Variants in MYH6 observed in about 807,000 individuals in gnomAD.
MYH6 encodes myosin-6.
A neutral mutation model predicts 223.2 loss-of-function variants in MYH6; 126 were observed. The ratio of observed to expected loss-of-function variants is 0.56; its 90% CI spans 0.49 to 0.65. The LOEUF (loss-of-function observed/expected upper bound fraction) is 0.65, where lower values mean the gene tolerates loss of function less well. Ranked by LOEUF, MYH6 falls within the 30% of genes least tolerant of loss-of-function variation. The pLI, the probability that MYH6 is intolerant of heterozygous loss-of-function variation, is 0.00. For synonymous variants in MYH6, 978 were observed against 1,010.2 expected (o/e 0.97, Z 0.61); for missense variants, 2,040 against 2,536.4 (o/e 0.80, Z 4.20).
intron 13 of MYH6, 51 bp downstream of exon 13, chr14:23,400,658 T>C (rs1377313820): frequency 6.2e-7 from 1 of 1,613,880 alleles, no homozygotes; most frequent in Non-Finnish European, 8.5e-7. Flanking sequence ...GGCTGTTGAA[T>C]GTAGGAGCAA....
chr14:23,388,685 C>A, intron 29 of MYH6, 174 bp downstream of exon 29: 2 of 1,108,554 alleles, frequency 1.8e-6, no homozygotes, highest in Middle Eastern at 2.0e-4. Context: ...GGGTCAGGGC[C>A]AGCCAGAGTT....
At chr14:23,387,420 A>G in intron 32 of MYH6, 109 bp downstream of exon 32, 4 of 1,547,308 alleles carry the variant, frequency 2.6e-6, no homozygotes, top group Non-Finnish European at 3.5e-6. Context: ...TGAACAAAGA[A>G]TATGGAATGA....
rs752148935 is a variant in MYH6, at chr14:23,394,161, C to T, written c.2592G>A (p.Thr864=). The T allele has an allele frequency of 1.2e-5, 19 of 1,614,112 alleles. No homozygotes were observed. Among genetic ancestry groups the T allele is most frequent in the Admixed American group, 1.7e-5 (1 of 60,006 alleles). Residue 864 remains threonine (T), a synonymous_variant, in exon 21 of 39, where the codon ACG becomes ACA. Transcript: ENST00000405093. The part of the protein sequence containing the change: ...MKEEFGRIKE[T]LEKSEARRKE... ...TGCGGCGAGCCTCGGACTTCTCCAG[C>T]GTCTCTTTGATGCGCCCGAACTCTT...
intron 30 of MYH6, 104 bp from the exon 31 acceptor site, chr14:23,388,027 T>C (rs1050928377): frequency 5.0e-5 from 80 of 1,606,072 alleles, no homozygotes; most frequent in South Asian, 6.6e-5. Context: ...GTCCAAGATC[T>C]GTCCCTGGTC....
rs1169887612 is a variant in MYH6, at chr14:23,405,397, G to T, written c.346-18C>A. The T allele has an allele frequency of 2.5e-6, 4 of 1,613,976 alleles. No homozygotes were observed. Among genetic ancestry groups the T allele is most frequent in the African/African-American group, 2.7e-5 (2 of 74,926 alleles). On this transcript the variant is annotated intron_variant, in intron 4 of 38. Coordinates refer to ENST00000405093, the MANE Select transcript of MYH6 (RefSeq NM_002471.4). The surrounding 1 kb of genome is among the most constrained non-coding windows in gnomAD (Gnocchi z 4.7). ...GAGTAGGTCTGGAGCAGGAGACAAG[G>T]CTGGGCATGAGGTTGGTGGGGAGAG... is the stretch of plus-strand genomic sequence containing the variant.
At position 23,402,691 on chromosome 14, in the gene MYH6, A is replaced by C. The variant is rs746798583; in HGVS notation, c.1002+6T>G. On this transcript the variant is annotated splice_donor_region_variant and intron_variant, in intron 11 of 38. Transcript: ENST00000405093. ...CTCGAACGGCCGCAGCAGCCCCCTC[A>C]CTCACATCGGTGGCCATGAGCTCCT... is the stretch of plus-strand genomic sequence containing the variant. The C allele has an allele frequency of 2.5e-6, 4 of 1,613,256 alleles. No homozygotes were observed. The highest frequency in any genetic ancestry group is 3.4e-6 in the Non-Finnish European group (4 of 1,179,824).
chr14:23,382,661 C>A, intron 37 of MYH6, 99 bp from the exon 38 acceptor site: 1 of 1,552,376 alleles, frequency 6.4e-7, no homozygotes, highest in Non-Finnish European at 8.9e-7. Flanking sequence ...CCTGAGGCAC[C>A]CATACCTCAT....
chr14:23,397,938 T>TTCTTCTTCTTCC (rs1566512329), intron 15 of MYH6, among the ~76,000 whole-genome samples: 15 of 60,902 alleles, frequency 2.5e-4, no homozygotes, highest in African/African-American at 8.7e-4. Flanking sequence ...CCTCCTCTTC[T>TTCTTCTTCTTCC]TCTTCTTCTT....
chr14:23,384,232 G>A (rs980834342), intron 36 of MYH6, among the ~76,000 whole-genome samples: 8 of 151,774 alleles, frequency 5.3e-5, no homozygotes, highest in Non-Finnish European at 1.0e-4. Context: ...GGAAAGACTA[G>A]TTAGAAGAGT....
chr14:23,390,030 G>T (rs1266726559), intron 26 of MYH6, 27 bp downstream of exon 26: 1 of 1,613,590 alleles, frequency 6.2e-7, no homozygotes. Context: ...CAGGGGAGAG[G>T]GCGAGGGGAG....
At chr14:23,400,651 T>C in intron 13 of MYH6, 58 bp downstream of exon 13, 1 of 1,613,616 alleles carries the variant, frequency 6.2e-7, no homozygotes. Flanking sequence ...AGCAAATGGC[T>C]GTTGAATGTA....
intron 14 of MYH6, chr14:23,400,053 G>A: frequency 1.3e-6 from 1 of 763,340 alleles, no homozygotes; most frequent in Non-Finnish European, 2.1e-6. Flanking sequence ...CACCACAAAG[G>A]GGCATAAAGT....
chr14:23,392,235 G>C (rs10147618), intron 25 of MYH6, among the ~76,000 whole-genome samples: 7,957 of 151,826 alleles, frequency 0.052, 324 homozygotes, highest in African/African-American at 0.11. Context: ...TGCGTTCAGA[G>C]GGCTGAACTA....
chr14:23,402,317 T>C, intron 12 of MYH6, 147 bp downstream of exon 12: 1 of 1,260,250 alleles, frequency 7.9e-7, no homozygotes, highest in Non-Finnish European at 1.1e-6. Flanking sequence ...ACTCTCTGTC[T>C]GCCCACGTCT....
In MYH6 at chr14:23,393,334, C is replaced by T. The variant is rs940951780; in HGVS notation, c.3105+8G>A. The T allele has an allele frequency of 2.5e-6, 4 of 1,614,076 alleles. No individual in the cohort carries two copies. In the Admixed American group the frequency reaches 5.0e-5, roughly 20 times the overall value. ...TCTGAGAGCAGGAGCATGGTTCTTA[C>T]TACTCACATCATCCACCTGCTGCTC... On this transcript the variant is annotated splice_region_variant and intron_variant, in intron 23 of 38. Transcript: ENST00000405093.
chr14:23,402,795 G>C lies in MYH6; in HGVS notation c.904C>G (p.Leu302Val). The change falls in exon 11 of 39, where the codon CTG becomes GTG. Residue 302 changes from leucine to valine, a missense_variant. Physicochemically the swap from Leu to Val is conservative, Grantham distance 32 (BLOSUM62 1). Coordinates refer to ENST00000405093, the MANE Select transcript of MYH6 (RefSeq NM_002471.4). ...SNKKPELLDM[L>V]LVTNNPYDYA... is the part of the protein sequence containing the mutation. ...TCGTAGGGATTGTTGGTGACCAGCA[G>C]CATGTCTGCACCAGGCAAGGGGTGA... is the stretch of plus-strand genomic sequence containing the variant. 6.2e-7 allele frequency: 1 copy of C among 1,612,166 alleles called. No individual in the cohort carries two copies. Among genetic ancestry groups the C allele is most frequent in the East Asian group, 2.2e-5 (1 of 44,680 alleles).
chr14:23,389,262 G>A, intron 28 of MYH6, 131 bp downstream of exon 28: 2 of 1,211,550 alleles, frequency 1.7e-6, no homozygotes, highest in Non-Finnish European at 2.4e-6. Context: ...CTTAGCTGCA[G>A]GGCAGAACCT....
At chr14:23,383,074 C>G in intron 37 of MYH6, 151 bp downstream of exon 37, 2 of 753,128 alleles carry the variant, frequency 2.7e-6, no homozygotes, top group South Asian at 3.0e-5. Context: ...GAACACCTGA[C>G]AGCTCTGAGC....
chr14:23,393,268 C>T (rs1374413567), intron 23 of MYH6, 74 bp downstream of exon 23: 1 of 1,591,856 alleles, frequency 6.3e-7, no homozygotes, highest in African/African-American at 1.3e-5. Context: ...TTCTAGGGAT[C>T]AGGACTTTCT....
Sources: gnomAD v4.1 joint callset for allele counts (sites outside exome capture counted in the v4.1 genomes callset) on GRCh38, gnomAD v4.1.1 for gene constraint, Gnocchi (gnomAD v3.1) non-coding constraint, MANE v1.5 for transcripts, NCBI Gene and HGNC (gene_info 2026-07-23, HGNC 2026-07-21) for gene names.